CRISPLD1: variants seen among roughly 807,000 people sequenced by gnomAD.
CRISPLD1 encodes the protein cysteine-rich secretory protein LCCL domain-containing 1.
In CRISPLD1, 60 loss-of-function variants were observed where a neutral mutation model predicts 77.5. The observed-to-expected ratio is 0.77, with a 90% CI of 0.63 to 0.96. The LOEUF (loss-of-function observed/expected upper bound fraction) is 0.96, where lower values mean the gene tolerates loss of function less well. Ranked by LOEUF, CRISPLD1 falls within the 40% of genes least tolerant of loss-of-function variation. The probability of loss-of-function intolerance (pLI) is 0.00; values close to 1 mark genes in which losing one functional copy is unlikely to be tolerated. For synonymous variants in CRISPLD1, 195 were observed against 200.1 expected (o/e 0.97, Z 0.22); for missense variants, 623 against 615.8 (o/e 1.01, Z -0.12).
Position 75,017,307 on chromosome 8 carries a change from C to T in CRISPLD1, c.997-13C>T. On this transcript the variant is annotated splice_polypyrimidine_tract_variant and intron_variant, in intron 9 of 14. Coordinates refer to ENST00000262207, the MANE Select transcript of CRISPLD1 (RefSeq NM_031461.6). ...TATTTTTAACATCTTTTTATCTCCTCCTTTTTTCCAAGCAATCCAGCATCT... is the reference window on the plus strand; with the variant it reads ...TATTTTTAACATCTTTTTATCTCCTTCTTTTTTCCAAGCAATCCAGCATCT... 3 of 1,607,234 alleles carry T rather than the reference C, an allele frequency of 1.9e-6. No individual in the cohort carries two copies. The highest frequency in any genetic ancestry group is 2.5e-6 in the Non-Finnish European group (3 of 1,178,064).
chr8:75,013,282 T>C (rs893017580), intron 4 of CRISPLD1, among the ~76,000 whole-genome samples: 3 of 152,020 alleles, frequency 2.0e-5, no homozygotes, highest in African/African-American at 7.2e-5. Flanking sequence ...GCCCCAGTAA[T>C]ATGGGGGGAA....
In CRISPLD1 at chr8:75,012,768, T is replaced by C. The variant is rs149735178; in HGVS notation, c.378-122T>C. 2.9e-4 allele frequency: 328 copies of C among 1,128,780 alleles called. 2 individuals are homozygous for C. In the East Asian group the frequency reaches 3.5e-3, roughly 12 times the overall value. 69.9% of individuals were successfully genotyped at this position (1,128,780 alleles called of 1,614,324 possible). A position where few individuals can be genotyped will look rare whatever the true frequency, so the allele number is the denominator to read the frequency against. The stretch of plus-strand genomic sequence containing the variant: ...TTAGTAATGTAAGGGGCATAAAAAT[T>C]TAAGTTTAATAGTTTACGCCAAAGT... On this transcript the variant is annotated intron_variant, in intron 3 of 14. Coordinates refer to ENST00000262207, the MANE Select transcript of CRISPLD1 (RefSeq NM_031461.6).
At chr8:74,992,102 T>C (rs1253719725) in intron 2 of CRISPLD1, among the ~76,000 whole-genome samples, 3 of 152,300 alleles carry the variant, frequency 2.0e-5, no homozygotes, top group East Asian at 1.9e-4. Flanking sequence ...TGTTGAATGC[T>C]CAATAAATAC....
chr8:74,986,233 T>C lies in CRISPLD1; in HGVS notation c.246T>C (p.Asn82=). The change falls in exon 2 of 15, where the codon AAT becomes AAC. Residue 82 remains asparagine (N), a synonymous_variant. Coordinates refer to ENST00000262207, the MANE Select transcript of CRISPLD1 (RefSeq NM_031461.6). ...GTCAGGTGTATCCAACAGCCTCTAA[T>C]ATGGAGTATATGGTAAGGACATTTT... ...LRSQVYPTAS[N]MEYMTWDVEL... The C allele has an allele frequency of 6.2e-7, 1 of 1,614,014 alleles. No individual in the cohort carries two copies. The highest frequency in any genetic ancestry group is 1.7e-5 in the Admixed American group (1 of 60,030).
At chr8:74,987,175 T>C (rs1812509772) in intron 2 of CRISPLD1, among the ~76,000 whole-genome samples, 1 of 152,202 alleles carries the variant, frequency 6.6e-6, no homozygotes, top group African/African-American at 2.4e-5. Context: ...TCATGAAGCA[T>C]GGAAGTTCTA....
At chr8:74,989,854 G>C (rs574895784) in intron 2 of CRISPLD1, among the ~76,000 whole-genome samples, 1 of 152,066 alleles carries the variant, frequency 6.6e-6, no homozygotes, top group African/African-American at 2.4e-5. Context: ...GGGTTTTCTT[G>C]TACAGTTTTT....
chr8:75,014,371 T>G (rs1329813580), intron 5 of CRISPLD1, among the ~76,000 whole-genome samples: 1 of 152,140 alleles, frequency 6.6e-6, no homozygotes, highest in Non-Finnish European at 1.5e-5. Context: ...CCATAAATAT[T>G]GAATAATTGT....
rs183424142 is a variant in CRISPLD1 at position 74,993,578 on chromosome 8, A to G, written c.258+7333A>G. On this transcript the variant is annotated intron_variant, in intron 2 of 14. Transcript: ENST00000262207. ...TTTAAGACTTCGACCTTTAAAGTGA[A>G]TGTATTTTTCTTTTTGAAAATTGCA... 7.2e-5 allele frequency among the ~76,000 whole-genome samples: 11 copies of G among 152,298 alleles called. No individual in the cohort carries two copies. The East Asian group carries it at 2.1e-3, about 29-fold the overall frequency.
intron 2 of CRISPLD1, chr8:75,000,087 T>C: frequency 6.3e-6 from 6 of 951,438 alleles, no homozygotes; most frequent in Non-Finnish European, 7.5e-6. Flanking sequence ...GGAGTGAACA[T>C]GGGAGTTACT....
intron 6 of CRISPLD1, 68 bp from the exon 7 acceptor site, chr8:75,016,497 T>C (rs1462629882): frequency 5.0e-6 from 7 of 1,388,038 alleles, no homozygotes; most frequent in Non-Finnish European, 6.9e-6. Flanking sequence ...TTAAAGTATA[T>C]TATTATTTGA....
intron 13 of CRISPLD1, among the ~76,000 whole-genome samples, chr8:75,026,218 A>G (rs951942142): frequency 6.6e-6 from 1 of 152,040 alleles, no homozygotes; most frequent in African/African-American, 2.4e-5. Flanking sequence ...AAGTAACTAG[A>G]AGAACAAATA....
Position 75,034,535 on chromosome 8 carries a change from C to T in CRISPLD1, c.*2293C>T, listed in dbSNP as rs1339697505. 6.6e-6 allele frequency: 1 copy of T among 152,050 alleles called. No individual in the cohort carries two copies. The highest frequency in any genetic ancestry group is 6.6e-5 in the Admixed American group (1 of 15,232). 9.4% of individuals were successfully genotyped at this position (152,050 alleles called of 1,614,324 possible). A position where few individuals can be genotyped will look rare whatever the true frequency, so the allele number is the denominator to read the frequency against. On this transcript the variant is annotated 3_prime_UTR_variant, in exon 15 of 15. Transcript: ENST00000262207. ...TGATTCTCCTTGTAAGAATTAAATG[C>T]TCTCTAATATGATATCCCTTTAATT...
chr8:75,001,216 ATAG>A (rs1352624352), intron 2 of CRISPLD1, among the ~76,000 whole-genome samples: 2 of 152,204 alleles, frequency 1.3e-5, no homozygotes, highest in Non-Finnish European at 1.5e-5. Context: ...GTGTTTTTAA[ATAG>A]TAGAATACCT....
chr8:74,998,465 G>T (rs537134902), intron 2 of CRISPLD1, among the ~76,000 whole-genome samples: 37 of 152,050 alleles, frequency 2.4e-4, no homozygotes, highest in African/African-American at 8.4e-4. Context: ...GAGGCAGGTG[G>T]ATCACCTGAG....
intron 2 of CRISPLD1, among the ~76,000 whole-genome samples, chr8:74,990,296 AAG>A (rs893269579): frequency 6.7e-6 from 1 of 148,406 alleles, no homozygotes; most frequent in African/African-American, 2.4e-5. Flanking sequence ...AAAAAAAAAA[AAG>A]AAAACAAACC....
At chr8:75,012,377 C>G in intron 2 of CRISPLD1, 56 bp from the exon 3 acceptor site, 1 of 985,730 alleles carries the variant, frequency 1.0e-6, no homozygotes, top group Non-Finnish European at 1.6e-6. Context: ...ACACTGTGTT[C>G]TGCAGAAGTG....
intron 2 of CRISPLD1, among the ~76,000 whole-genome samples, chr8:75,011,291 A>C (rs1341977836): frequency 6.5e-5 from 6 of 92,030 alleles, no homozygotes; most frequent in South Asian, 4.4e-4. Flanking sequence ...CCACCCCACA[A>C]CAGTCCCCAG....
chr8:75,022,450 G>A (rs1434617145), intron 12 of CRISPLD1, among the ~76,000 whole-genome samples: 12 of 151,924 alleles, frequency 7.9e-5, no homozygotes, highest in Admixed American at 6.6e-4. Flanking sequence ...TTAGCCGGGC[G>A]TGGGGGCGGG....
chr8:75,016,681 G>T lies in CRISPLD1; in HGVS notation c.844G>T (p.Glu282Ter). 1 of 1,613,064 alleles carries T rather than the reference G, an allele frequency of 6.2e-7. No individual in the cohort carries two copies. The highest frequency in any genetic ancestry group is 1.1e-5 in the South Asian group (1 of 90,964). ...AAGATCAGATGATAGTAGCAGAAAT[G>T]AAGTCATAAGCGCACAGCAAATGTG... ...RTRSDDSSRNEVISAQQMSQI... is the reference protein window; with the variant it reads ...RTRSDDSSRN The change falls in exon 7 of 15, where the codon GAA becomes TAA. Residue 282 changes from glutamate (E) to a stop codon, truncating the protein, a stop_gained. Transcript: ENST00000262207. LOFTEE classifies it high-confidence loss of function.
Sources: gnomAD v4.1 joint callset for allele counts (sites outside exome capture counted in the v4.1 genomes callset) on GRCh38, gnomAD v4.1.1 for gene constraint, MANE v1.5 for transcripts, NCBI Gene and HGNC (gene_info 2026-07-23, HGNC 2026-07-21) for gene names.